GIGYF2: variants seen among roughly 807,000 people sequenced by gnomAD.
The protein encoded by GIGYF2 is GRB10-interacting GYF protein 2.
In GIGYF2, 25 loss-of-function variants were observed where a neutral mutation model predicts 208.1. The ratio of observed to expected loss-of-function variants is 0.12; its 90% CI spans 0.09 to 0.17. GIGYF2 has a LOEUF of 0.17. Ranked by LOEUF, GIGYF2 falls within the 10% of genes least tolerant of loss-of-function variation. The pLI is 1.00. For synonymous variants in GIGYF2, 534 were observed against 543.8 expected, an observed-to-expected ratio of 0.98 and a Z score of 0.25; for missense variants, 1,302 against 1,579.4, an observed-to-expected ratio of 0.82 and a Z score of 2.98.
intron 14 of GIGYF2, among the ~76,000 whole-genome samples, chr2:232,796,522 T>G (rs1290608936): frequency 1.3e-5 from 2 of 152,218 alleles, no homozygotes; most frequent in African/African-American, 4.8e-5. Context: ...TTAGAGCATT[T>G]TGGATTTCAG....
At position 232,811,480 on chromosome 2, in the gene GIGYF2, T is replaced by A. The variant is rs116013947; in HGVS notation, c.2006+129T>A. ...ACTCCCAACACATACCTGCATGTTG[T>A]ATGTAAAAAAGTATATTTTAAAAAA... On this transcript the variant is annotated intron_variant, in intron 17 of 28. Transcript: ENST00000373563. The A allele has an allele frequency of 7.9e-4, 540 of 685,762 alleles. 2 individuals are homozygous for A. In the African/African-American group the frequency reaches 8.7e-3, roughly 11 times the overall value. 42.5% of individuals were successfully genotyped at this position (685,762 alleles called of 1,614,324 possible).
chr2:232,809,927 AG>A (rs1297682939), intron 16 of GIGYF2, 116 bp downstream of exon 16: 2 of 731,758 alleles, frequency 2.7e-6, no homozygotes, highest in African/African-American at 3.5e-5. Flanking sequence ...ATGGCACTTC[AG>A]TCACCCAGCT....
chr2:232,756,197 C>CTTTTTTTTTTTTT, intron 5 of GIGYF2, 26 bp from the exon 6 acceptor site: 13 of 709,932 alleles, frequency 1.8e-5, no homozygotes, highest in East Asian at 5.7e-5. Flanking sequence ...TCCTTTTTCT[C>CTTTTTTTTTTTTT]TTTTTTTTTT....
chr2:232,752,660 C>T (rs990999703), intron 5 of GIGYF2, among the ~76,000 whole-genome samples: 1 of 152,044 alleles, frequency 6.6e-6, no homozygotes, highest in Non-Finnish European at 1.5e-5. Context: ...CCTGCCTCAG[C>T]CTCCCGAGTA....
intron 3 of GIGYF2, chr2:232,736,797 C>T (rs1463674465): frequency 1.3e-5 from 2 of 151,978 alleles, no homozygotes; most frequent in African/African-American, 4.8e-5. Flanking sequence ...ATTTACATAC[C>T]CTCATGTCTG....
At chr2:232,787,036 TGAA>T in intron 8 of GIGYF2, 111 bp from the exon 9 acceptor site, 2 of 758,590 alleles carry the variant, frequency 2.6e-6, no homozygotes, top group Admixed American at 4.1e-5. Flanking sequence ...GATTTTTTTC[TGAA>T]TATTGAAATG....
At chr2:232,792,018 C>T (rs908152638) in intron 12 of GIGYF2, among the ~76,000 whole-genome samples, 21 of 152,154 alleles carry the variant, frequency 1.4e-4, no homozygotes, top group African/African-American at 4.8e-4. Context: ...TAATGCCTGA[C>T]GTTGAAGGGT....
At chr2:232,855,446 A>G (rs753189795) in intron 28 of GIGYF2, among the ~76,000 whole-genome samples, 2 of 152,210 alleles carry the variant, frequency 1.3e-5, no homozygotes, top group African/African-American at 2.4e-5. Flanking sequence ...TTCTAAGCCA[A>G]ATTCCCTTTT....
At chr2:232,810,935 T>C (rs1700716016) in intron 16 of GIGYF2, 1 of 296,396 alleles carries the variant, frequency 3.4e-6, no homozygotes, top group Non-Finnish European at 6.5e-6. Flanking sequence ...CTTTGGAGTT[T>C]ACCAATTTTT....
At chr2:232,836,348 A>C (rs1701627896) in intron 22 of GIGYF2, among the ~76,000 whole-genome samples, 1 of 45,006 alleles carries the variant, frequency 2.2e-5, no homozygotes, top group Non-Finnish European at 4.3e-5. Flanking sequence ...ATACTTATAT[A>C]TTTATATATA....
rs1699232045 is a variant in GIGYF2 at position 232,771,216 on chromosome 2, C to T, written c.532+9780C>T. ...ACATCATCCAACGCCAGCGCATGTC[C>T]ATTAGGATTCCCCAAGCATCTCGAA... On this transcript the variant is annotated intron_variant, in intron 8 of 28. Transcript: ENST00000373563. The T allele has an allele frequency of 1.9e-6, 3 of 1,612,134 alleles. No homozygotes were observed. The East Asian group carries it at 6.7e-5, about 36-fold the overall frequency.
chr2:232,714,924 T>C (rs6710294), intron 2 of GIGYF2, among the ~76,000 whole-genome samples: 99,582 of 151,942 alleles, frequency 0.66, 32,919 homozygotes, highest in South Asian at 0.79. Flanking sequence ...TCCTCTCCCT[T>C]CTCCCACTCT....
intron 3 of GIGYF2, among the ~76,000 whole-genome samples, chr2:232,744,526 TTTTCTTTCTTTC>T (rs573309597): frequency 6.6e-6 from 1 of 151,920 alleles, no homozygotes; most frequent in Non-Finnish European, 1.5e-5. Context: ...TTGTGTTTTT[TTTTCTTTCTTTC>T]TTTCTTTCTT....
rs772495772 is a variant in GIGYF2, at chr2:232,845,817, G to A, written c.3391G>A (p.Ala1131Thr). 5.0e-6 allele frequency: 8 copies of A among 1,613,444 alleles called. No individual in the cohort carries two copies. The highest frequency in any genetic ancestry group is 1.7e-5 in the Admixed American group (1 of 60,002). Residue 1131 changes from alanine to threonine, a missense_variant, in exon 26 of 29, where the codon GCC (alanine) becomes ACC (threonine). Transcript: ENST00000373563. ...GAAGCTCTTTCAGGGAGTAAATAAA[G>A]CCCAAGATGGATTTACGCAGTGGTG... ...LLKLFQGVNKAQDGFTQWCEQ... is the reference protein window; with the variant it reads ...LLKLFQGVNKTQDGFTQWCEQ...
intron 8 of GIGYF2, among the ~76,000 whole-genome samples, chr2:232,773,135 CTT>C (rs1230690219): frequency 6.6e-6 from 1 of 152,038 alleles, no homozygotes; most frequent in Non-Finnish European, 1.5e-5. Context: ...TGTTTTATAA[CTT>C]ATTACCCTAA....
intron 8 of GIGYF2, chr2:232,765,498 G>A (rs1459878640): frequency 6.6e-6 from 1 of 152,442 alleles, no homozygotes; most frequent in African/African-American, 2.4e-5. Context: ...CTTGTAAGAT[G>A]TAAGAAGCTT....
chr2:232,702,712 A>G (rs979227009), intron 1 of GIGYF2, among the ~76,000 whole-genome samples: 3 of 152,176 alleles, frequency 2.0e-5, no homozygotes, highest in African/African-American at 7.2e-5. Flanking sequence ...CTCCCTGGAC[A>G]TTTTGGCAAT....
rs759525243 is a variant in GIGYF2 at position 232,756,197 on chromosome 2, C to CTTTTTTTTTTT, written c.268-16_268-6dup. ...TTTTCTTTCTTTTTTTCCTTTTTCT[C>CTTTTTTTTTTT]TTTTTTTTTTTTTTTTTTTTGGCAG... On this transcript the variant is annotated intron_variant, in intron 5 of 28. Coordinates refer to ENST00000373563, the MANE Select transcript of GIGYF2 (RefSeq NM_001103146.3). 1.6e-4 allele frequency: 117 copies of CTTTTTTTTTTT among 710,550 alleles called. 1 individual carries two copies. Among genetic ancestry groups the CTTTTTTTTTTT allele is most frequent in the South Asian group, 7.0e-4 (36 of 51,186 alleles). The allele number at this position is 710,550 out of a possible 1,614,324, so 44.0% of individuals were successfully genotyped here. A position where few individuals can be genotyped will look rare whatever the true frequency, so the allele number is the denominator to read the frequency against.
At chr2:232,752,264 T>C (rs1312891584) in intron 5 of GIGYF2, among the ~76,000 whole-genome samples, 1 of 152,238 alleles carries the variant, frequency 6.6e-6, no homozygotes, top group African/African-American at 2.4e-5. Context: ...TAGTATTGAC[T>C]AGATCTTCCT....
Sources: gnomAD v4.1 joint callset for allele counts (sites outside exome capture counted in the v4.1 genomes callset) on GRCh38, gnomAD v4.1.1 for gene constraint, MANE v1.5 for transcripts, NCBI Gene and HGNC (gene_info 2026-07-23, HGNC 2026-07-21) for gene names.